SYN2: variants seen among roughly 807,000 people sequenced by gnomAD.
The protein encoded by SYN2 is synapsin-2.
Under a neutral mutation model 50.9 loss-of-function variants are expected in SYN2, and 19 were observed. That is an observed-to-expected ratio of 0.37 (90% CI 0.26 to 0.55). SYN2 has a LOEUF of 0.55. Ranked by LOEUF, SYN2 falls within the 20% of genes least tolerant of loss-of-function variation. SYN2 has a pLI of 0.81. For synonymous variants in SYN2, 255 were observed against 224.9 expected, an observed-to-expected ratio of 1.13 and a Z score of -1.20; for missense variants, 587 against 576.4, an observed-to-expected ratio of 1.02 and a Z score of -0.19.
At chr3:12,070,870 A>C (rs1240847261) in intron 1 of SYN2, 1 of 572,762 alleles carries the variant, frequency 1.7e-6, no homozygotes, top group African/African-American at 1.9e-5. Flanking sequence ...CTTGGGTGAC[A>C]TCAAGGAGAA....
intron 1 of SYN2, among the ~76,000 whole-genome samples, chr3:12,123,425 G>GA (rs1305832141): frequency 6.6e-6 from 1 of 152,058 alleles, no homozygotes; most frequent in Non-Finnish European, 1.5e-5. Context: ...AAGCTGAGAG[G>GA]AAAAAACAAA....
chr3:12,157,019 C>A, intron 5 of SYN2: 1 of 971,210 alleles, frequency 1.0e-6, no homozygotes, highest in South Asian at 1.6e-5. Context: ...CACTTCTCAG[C>A]CTAAAAATGT....
intron 1 of SYN2, among the ~76,000 whole-genome samples, chr3:12,123,598 G>A (rs1475598799): frequency 6.6e-6 from 1 of 152,122 alleles, no homozygotes; most frequent in Admixed American, 6.6e-5. Context: ...GTGAGACCCT[G>A]TGTCTAAAGA....
intron 1 of SYN2, among the ~76,000 whole-genome samples, chr3:12,065,075 C>T (rs1695186084): frequency 6.6e-6 from 1 of 152,098 alleles, no homozygotes; most frequent in African/African-American, 2.4e-5. Flanking sequence ...AACATGGATG[C>T]ACCTTGGAAA....
At chr3:12,050,759 C>T (rs1459112277) in intron 1 of SYN2, among the ~76,000 whole-genome samples, 15 of 100,332 alleles carry the variant, frequency 1.5e-4, no homozygotes, top group Admixed American at 4.8e-4. Flanking sequence ...GACGGAGTCT[C>T]GCTCTGTCGC....
chr3:12,048,076 C>T (rs1378988759), intron 1 of SYN2, among the ~76,000 whole-genome samples: 1 of 152,148 alleles, frequency 6.6e-6, no homozygotes, highest in Admixed American at 6.5e-5. Flanking sequence ...TGAGCATTTT[C>T]TGTAACCCTA....
intron 1 of SYN2, among the ~76,000 whole-genome samples, chr3:12,015,352 T>G (rs1014679951): frequency 2.0e-5 from 3 of 152,198 alleles, no homozygotes; most frequent in Non-Finnish European, 4.4e-5. Context: ...AACACTGAGA[T>G]CCCCTTGAAG....
chr3:12,053,100 T>C (rs1694903962), intron 1 of SYN2, among the ~76,000 whole-genome samples: 1 of 152,280 alleles, frequency 6.6e-6, no homozygotes, highest in African/African-American at 2.4e-5. Context: ...AGATCATACA[T>C]TGAATTACTT....
Position 12,147,896 on chromosome 3 carries a change from G to A in SYN2, c.684+2061G>A, listed in dbSNP as rs944900047. On this transcript the variant is annotated intron_variant, in intron 4 of 12. Coordinates refer to ENST00000621198, the MANE Select transcript of SYN2 (RefSeq NM_133625.6). ...TGGGAGGCTGAGGCAGGCACATCAC[G>A]AGGTCAGGAGATCAAGACCATCCTA... is the stretch of plus-strand genomic sequence containing the variant. 4.6e-5 allele frequency among the ~76,000 whole-genome samples: 7 copies of A among 152,142 alleles called. No individual in the cohort carries two copies. The East Asian group carries it at 5.8e-4, about 13-fold the overall frequency.
chr3:12,177,444 C>T (rs1438544632), intron 10 of SYN2, among the ~76,000 whole-genome samples: 1 of 152,142 alleles, frequency 6.6e-6, no homozygotes, highest in East Asian at 1.9e-4. Flanking sequence ...ATGAGGTCTC[C>T]TGAGTGCAAG....
At chr3:12,159,713 ACT>A (rs1697591485) in intron 5 of SYN2, among the ~76,000 whole-genome samples, 1 of 151,846 alleles carries the variant, frequency 6.6e-6, no homozygotes, top group Non-Finnish European at 1.5e-5. Context: ...CTCACTGGAG[ACT>A]CTGTCATGTT....
chr3:12,128,984 T>A (rs535314034), intron 1 of SYN2, among the ~76,000 whole-genome samples: 2 of 152,244 alleles, frequency 1.3e-5, no homozygotes, highest in African/African-American at 4.8e-5. Context: ...CTCATGGAGC[T>A]TACATTTTGG....
chr3:12,191,990 A>G lies in SYN2; in HGVS notation c.*1365A>G, dbSNP rs1698452349. 6.6e-6 allele frequency among the ~76,000 whole-genome samples: 1 copy of G among 152,230 alleles called. No individual in the cohort carries two copies. The highest frequency in any genetic ancestry group is 2.4e-5 in the African/African-American group (1 of 41,466). On this transcript the variant is annotated 3_prime_UTR_variant, in exon 13 of 13. Coordinates refer to ENST00000621198, the MANE Select transcript of SYN2 (RefSeq NM_133625.6). ...GACCACGGATGCTGTGAAGATAAAC[A>G]CTACATCTGCACCAATAAAAAATCC... is the stretch of plus-strand genomic sequence containing the variant.
intron 1 of SYN2, among the ~76,000 whole-genome samples, chr3:12,087,620 T>C (rs1467148449): frequency 1.3e-5 from 2 of 151,426 alleles, no homozygotes; most frequent in Non-Finnish European, 2.9e-5. Context: ...GGAGTGGTGG[T>C]ACACACCTGT....
At chr3:12,118,990 G>A (rs1225176142) in intron 1 of SYN2, among the ~76,000 whole-genome samples, 1 of 152,066 alleles carries the variant, frequency 6.6e-6, no homozygotes. Flanking sequence ...AATTGGGCAC[G>A]TGTTTCCCCT....
intron 1 of SYN2, among the ~76,000 whole-genome samples, chr3:12,138,973 A>G (rs1696958934): frequency 6.6e-6 from 1 of 152,208 alleles, no homozygotes; most frequent in Non-Finnish European, 1.5e-5. Context: ...AAAATGGAAT[A>G]GTAGCCAAAG....
chr3:12,157,371 C>T, intron 5 of SYN2: 1 of 1,613,004 alleles, frequency 6.2e-7, no homozygotes, highest in Non-Finnish European at 8.5e-7. Flanking sequence ...ACATCCCAGC[C>T]TGCCCCCATG....
chr3:12,169,508 A>T (rs1440392485), intron 9 of SYN2, among the ~76,000 whole-genome samples: 1 of 152,142 alleles, frequency 6.6e-6, no homozygotes, highest in Non-Finnish European at 1.5e-5. Context: ...ACCTTCATCC[A>T]GCAATTTTTG....
intron 1 of SYN2, among the ~76,000 whole-genome samples, chr3:12,020,335 C>T (rs1694106524): frequency 7.1e-6 from 1 of 140,106 alleles, no homozygotes; most frequent in Non-Finnish European, 1.5e-5. Context: ...CACCCTGGCC[C>T]CCCACATAAT....
Sources: gnomAD v4.1 joint callset for allele counts (sites outside exome capture counted in the v4.1 genomes callset) on GRCh38, gnomAD v4.1.1 for gene constraint, MANE v1.5 for transcripts, NCBI Gene and HGNC (gene_info 2026-07-23, HGNC 2026-07-21) for gene names.